Variants in PARD3 observed in about 807,000 individuals in gnomAD.
PARD3 encodes par-3 family cell polarity regulator, also known as partitioning defective 3 homolog.
In PARD3, 75 loss-of-function variants were observed where a neutral mutation model predicts 155.4. That is an observed-to-expected ratio of 0.48 (90% CI 0.40 to 0.58). The LOEUF (loss-of-function observed/expected upper bound fraction) is 0.58. PARD3 is among the 20% of genes least tolerant of loss of function. The pLI is 0.00. For missense variants in PARD3, 1,642 were observed against 1,721.7 expected (o/e 0.95, Z 0.82); for synonymous variants, 576 against 610.5 (o/e 0.94, Z 0.83).
At chr10:34,656,516 G>A (rs76492123) in intron 2 of PARD3, among the ~76,000 whole-genome samples, 1,773 of 152,296 alleles carry the variant, frequency 0.012, 37 homozygotes, top group African/African-American at 0.04. Flanking sequence ...GGAAGAAGGC[G>A]AGAGTGCTGT....
Position 34,131,481 on chromosome 10 carries a change from A to C in PARD3, c.3522T>G (p.Tyr1174Ter). The change falls in exon 23 of 25, where the codon TAT becomes TAG. Residue 1174 changes from tyrosine to a stop codon, truncating the protein, a stop_gained. Transcript: ENST00000374788. LOFTEE classifies it high-confidence loss of function. ...TACTTACCCAGGGTTGCTCAAAACT[A>C]TAGGTCCGCCGACGATCTTCTACAT... ...DEDVEDRRRT[Y>*]SFEQPWPNAR... The C allele has an allele frequency of 6.2e-7, 1 of 1,614,118 alleles. No individual in the cohort carries two copies. The highest frequency in any genetic ancestry group is 8.5e-7 in the Non-Finnish European group (1 of 1,179,972).
chr10:34,721,823 A>T (rs2094610876), intron 1 of PARD3, among the ~76,000 whole-genome samples: 1 of 152,250 alleles, frequency 6.6e-6, no homozygotes, highest in Non-Finnish European at 1.5e-5. Flanking sequence ...AATACCTTCA[A>T]TTAAGCATGT....
chr10:34,249,082 C>T (rs1044736667), intron 22 of PARD3, among the ~76,000 whole-genome samples: 1 of 152,136 alleles, frequency 6.6e-6, no homozygotes, highest in African/African-American at 2.4e-5. Flanking sequence ...ACCAGCATTA[C>T]GTTTCCTGGA....
intron 5 of PARD3, among the ~76,000 whole-genome samples, chr10:34,432,374 A>G (rs900774881): frequency 1.4e-5 from 2 of 147,144 alleles, no homozygotes; most frequent in Non-Finnish European, 3.0e-5. Context: ...ACACACACAC[A>G]CAGAGGAGTA....
Position 34,651,804 on chromosome 10 carries a change from G to T in PARD3, c.222+44514C>A, listed in dbSNP as rs546831919. 5.9e-5 allele frequency among the ~76,000 whole-genome samples: 9 copies of T among 152,250 alleles called. No individual in the cohort carries two copies. The South Asian group carries it at 1.9e-3, about 32-fold the overall frequency. The stretch of plus-strand genomic sequence containing the variant: ...CCACTTATCTTCTGCTCATGCTTTG[G>T]ATTTCGACACAATTATTTTTTCCTA... On this transcript the variant is annotated intron_variant, in intron 2 of 24. Coordinates refer to ENST00000374788, the MANE Select transcript of PARD3 (RefSeq NM_001184785.2).
chr10:34,510,301 T>C (rs1266000692), intron 3 of PARD3, among the ~76,000 whole-genome samples: 1 of 152,170 alleles, frequency 6.6e-6, no homozygotes, highest in Non-Finnish European at 1.5e-5. Flanking sequence ...TGCAAAAGCA[T>C]TCCCACTCCT....
chr10:34,574,280 A>G (rs956606699), intron 2 of PARD3, among the ~76,000 whole-genome samples: 5 of 152,184 alleles, frequency 3.3e-5, no homozygotes, highest in African/African-American at 1.2e-4. Context: ...AATTATCTTA[A>G]TTGTGCCAAT....
At chr10:34,576,470 C>G (rs935982863) in intron 2 of PARD3, among the ~76,000 whole-genome samples, 4 of 150,510 alleles carry the variant, frequency 2.7e-5, no homozygotes, top group African/African-American at 9.8e-5. Context: ...CATGTTAAGG[C>G]AAGAAATTTT....
intron 7 of PARD3, among the ~76,000 whole-genome samples, chr10:34,393,106 G>A (rs1050294519): frequency 6.8e-6 from 1 of 146,728 alleles, no homozygotes; most frequent in Non-Finnish European, 1.5e-5. Flanking sequence ...TTTGATCTGA[G>A]ATATCAAAGG....
At chr10:34,196,568 CTTTTTTTTTT>C (rs71523319) in intron 22 of PARD3, among the ~76,000 whole-genome samples, 3 of 97,410 alleles carry the variant, frequency 3.1e-5, no homozygotes, top group African/African-American at 8.7e-5. Flanking sequence ...GTACCCTTTT[CTTTTTTTTTT>C]TTTTTTTTTT....
At chr10:34,536,274 T>C (rs2083223841) in intron 2 of PARD3, among the ~76,000 whole-genome samples, 1 of 152,212 alleles carries the variant, frequency 6.6e-6, no homozygotes, top group South Asian at 2.1e-4. Context: ...AGTACTTAAA[T>C]CATTTAATGT....
At position 34,376,903 on chromosome 10, in the gene PARD3, A is replaced by T. The variant is rs532663493; in HGVS notation, c.1539+1064T>A. Among the ~76,000 whole-genome samples, 313 of 152,160 alleles carry T rather than the reference A, an allele frequency of 2.1e-3. 1 individual carries two copies. The highest frequency in any genetic ancestry group is 2.9e-3 in the Admixed American group (44 of 15,284). ...TAAAAATACAGACTATATTTTCTTT[A>T]AAAAAAACTAAGAAAAATGGTTTAA... On this transcript the variant is annotated intron_variant, in intron 10 of 24. Coordinates refer to ENST00000374788, the MANE Select transcript of PARD3 (RefSeq NM_001184785.2).
At chr10:34,118,589 G>GGGATTA (rs1946812808) in intron 24 of PARD3, among the ~76,000 whole-genome samples, 1 of 151,984 alleles carries the variant, frequency 6.6e-6, no homozygotes, top group Non-Finnish European at 1.5e-5. Context: ...CAAATGATCT[G>GGGATTA]CCTGCCTCAG....
At chr10:34,744,160 G>C (rs1026221700) in intron 1 of PARD3, among the ~76,000 whole-genome samples, 1 of 152,134 alleles carries the variant, frequency 6.6e-6, no homozygotes, top group African/African-American at 2.4e-5. Flanking sequence ...GCTCTCCATG[G>C]TGTCCCTTAG....
At chr10:34,329,986 A>G (rs540746771) in intron 19 of PARD3, among the ~76,000 whole-genome samples, 12 of 152,276 alleles carry the variant, frequency 7.9e-5, no homozygotes, top group Admixed American at 2.0e-4. Flanking sequence ...TCTTCCCACG[A>G]AAGTCTTTCT....
intron 5 of PARD3, among the ~76,000 whole-genome samples, chr10:34,412,547 G>A (rs1162933424): frequency 6.6e-6 from 1 of 152,066 alleles, no homozygotes; most frequent in Non-Finnish European, 1.5e-5. Flanking sequence ...TTTAAAAGTG[G>A]TGACAACACA....
chr10:34,672,058 A>T (rs1434265640), intron 2 of PARD3, among the ~76,000 whole-genome samples: 1 of 151,892 alleles, frequency 6.6e-6, no homozygotes, highest in Admixed American at 6.6e-5. Flanking sequence ...CCTGTCAGCT[A>T]CTGGGAGACT....
chr10:34,258,802 A>G (rs1377070533), intron 22 of PARD3, among the ~76,000 whole-genome samples: 1 of 152,172 alleles, frequency 6.6e-6, no homozygotes, highest in East Asian at 1.9e-4. Flanking sequence ...CACATCTACA[A>G]TCTCAGTGCT....
chr10:34,674,478 A>ATTTTTTTTTTTTTTTTTTTT (rs11402018), intron 2 of PARD3, among the ~76,000 whole-genome samples: 1 of 79,528 alleles, frequency 1.3e-5, no homozygotes. Context: ...CACGCTCTTG[A>ATTTTTTTTTTTTTTTTTTTT]TTTTTTTTTT....
Sources: gnomAD v4.1 joint callset for allele counts (sites outside exome capture counted in the v4.1 genomes callset) on GRCh38, gnomAD v4.1.1 for gene constraint, MANE v1.5 for transcripts, NCBI Gene and HGNC (gene_info 2026-07-23, HGNC 2026-07-21) for gene names.